The following BRCA1 variants were observed in gnomAD, a reference collection of about 807,000 sequenced individuals.
The protein encoded by BRCA1 is BRCA1 DNA repair associated, also known as breast cancer type 1 susceptibility protein.
A neutral mutation model predicts 173.7 loss-of-function variants in BRCA1; 140 were observed. The observed-to-expected ratio is 0.81, with a 90% CI of 0.70 to 0.93. The LOEUF (loss-of-function observed/expected upper bound fraction) is 0.93, where lower values mean the gene tolerates loss of function less well. BRCA1 is among the 40% of genes least tolerant of loss of function. BRCA1 has a pLI of 0.00. For missense variants in BRCA1, 1,983 were observed against 2,172.5 expected (o/e 0.91, Z 1.73); for synonymous variants, 662 against 756.0 (o/e 0.88, Z 2.04).
At chr17:43,159,757 G>A (rs926628818) in intron 1 of BRCA1, 1 of 164,532 alleles carries the variant, frequency 6.1e-6, no homozygotes, top group African/African-American at 2.4e-5. Flanking sequence ...TTGTTCACTT[G>A]TTTATCTGCT....
intron 6 of BRCA1, among the ~76,000 whole-genome samples, chr17:43,100,561 T>TATATATATATAACATATATATAAC (rs1567806975): frequency 2.6e-5 from 1 of 39,194 alleles, no homozygotes; most frequent in East Asian, 5.1e-4. Flanking sequence ...TGTGTGTGTA[T>TATATATATATAACATATATATAAC]ATATATATAT....
At chr17:43,091,324 A>G (rs1357937223) in intron 10 of BRCA1, 111 bp downstream of exon 10, 2 of 1,359,382 alleles carry the variant, frequency 1.5e-6, no homozygotes, top group South Asian at 2.4e-5. Context: ...TTTAAGAAGC[A>G]GTTCCTTTAA....
At chr17:43,104,083 AAAGAAGAAG>A (rs147856441) in intron 6 of BRCA1, 30 bp downstream of exon 6, 3 of 1,124,682 alleles carry the variant, frequency 2.7e-6, no homozygotes, top group Non-Finnish European at 3.3e-6. Flanking sequence ...AAAAAAAAGA[AAAGAAGAAG>A]AAGAAGAAGA....
At position 43,135,331 on chromosome 17, in the gene BRCA1, G is replaced by A. The variant is rs538129557; in HGVS notation, c.-19-11216C>T. On this transcript the variant is annotated intron_variant, in intron 1 of 7. Transcript: ENST00000634433. ...AGCGTTCAAGCCCAAGCACAGGCCT[G>A]CAAGAACTTTCTTCCAACTGCCGTT... Among the ~76,000 whole-genome samples, 305 of 152,366 alleles carry A rather than the reference G, an allele frequency of 2.0e-3. 3 individuals are homozygous for A. Among genetic ancestry groups the A allele is most frequent in the Middle Eastern group, 0.01 (3 of 294 alleles).
At chr17:43,055,455 C>T (rs1216965405) in intron 19 of BRCA1, among the ~76,000 whole-genome samples, 1 of 152,134 alleles carries the variant, frequency 6.6e-6, no homozygotes, top group Non-Finnish European at 1.5e-5. Flanking sequence ...CAAGGCCAGC[C>T]TGGCCAACAT....
rs1000030763 is a variant in BRCA1, at chr17:43,154,541, AAATAAT to A, written c.-20+15579_-20+15584del. 3.9e-4 allele frequency among the ~76,000 whole-genome samples: 60 copies of A among 152,082 alleles called. 1 individual carries two copies. The highest frequency in any genetic ancestry group is 3.4e-3 in the Middle Eastern group (1 of 294). On this transcript the variant is annotated intron_variant, in intron 1 of 7. Transcript: ENST00000634433. ...GGTGACAGAGCTAGACTCTGTCTCA[AAATAAT>A]AATAATAATAAGCTTAAAAAATAAA...
chr17:43,154,685 TA>T (rs1305952416), intron 1 of BRCA1, among the ~76,000 whole-genome samples: 10 of 75,514 alleles, frequency 1.3e-4, no homozygotes, highest in South Asian at 7.7e-4. Context: ...GTTTATTAAG[TA>T]TCTACTACTA....
rs567951277 is a variant in BRCA1 at position 43,107,537 on chromosome 17, T to C, written c.135-1004A>G. Among the ~76,000 whole-genome samples, 76 of 152,034 alleles carry C rather than the reference T, an allele frequency of 5.0e-4. 1 individual carries two copies. The highest frequency in any genetic ancestry group is 1.6e-3 in the African/African-American group (68 of 41,468). ...CTGGGATTACAGACATGCACCACCA[T>C]ACCCAGCTAATTTTTTGTATTTTTA... On this transcript the variant is annotated intron_variant, in intron 3 of 22. Coordinates refer to ENST00000357654, the MANE Select transcript of BRCA1 (RefSeq NM_007294.4).
At chr17:43,106,139 A>C (rs1195403041) in intron 4 of BRCA1, among the ~76,000 whole-genome samples, 1 of 151,828 alleles carries the variant, frequency 6.6e-6, no homozygotes, top group Non-Finnish European at 1.5e-5. Context: ...AAAAAAAGAA[A>C]AGGAAACACA....
At chr17:43,141,618 T>C (rs954842572) in intron 1 of BRCA1, among the ~76,000 whole-genome samples, 2 of 151,670 alleles carry the variant, frequency 1.3e-5, no homozygotes, top group Non-Finnish European at 2.9e-5. Context: ...ATCGAGACCA[T>C]CTTGGTTAAC....
intron 15 of BRCA1, among the ~76,000 whole-genome samples, chr17:43,070,318 T>C (rs1215572328): frequency 1.3e-5 from 2 of 152,208 alleles, no homozygotes; most frequent in South Asian, 2.1e-4. Flanking sequence ...AATCCACAAA[T>C]AGCCCAAGCA....
rs752284897 is a variant in BRCA1, at chr17:43,103,776, C to A, written c.441+346G>T. Among the ~76,000 whole-genome samples, 125 of 152,146 alleles carry A rather than the reference C, an allele frequency of 8.2e-4. No individual in the cohort carries two copies. Among genetic ancestry groups the A allele is most frequent in the Non-Finnish European group, 1.4e-3 (94 of 67,984 alleles). On this transcript the variant is annotated intron_variant, in intron 6 of 22. Transcript: ENST00000357654. ...TCTAGCACATTCACTAACATATTCACAATGCTCAATAAAGAGATGTTGCCA... is the reference window on the plus strand; with the variant it reads ...TCTAGCACATTCACTAACATATTCAAAATGCTCAATAAAGAGATGTTGCCA...
chr17:43,103,994 C>G (rs1165691508), intron 6 of BRCA1, 128 bp downstream of exon 6: 2 of 1,212,658 alleles, frequency 1.6e-6, no homozygotes, highest in East Asian at 4.7e-5. Flanking sequence ...GTAATCCCAG[C>G]TACTAAGGGG....
upstream of BRCA1, among the ~76,000 whole-genome samples, chr17:43,129,460 G>A (rs2055946372): frequency 1.3e-5 from 2 of 152,124 alleles, no homozygotes; most frequent in African/African-American, 4.8e-5. Flanking sequence ...GAGTAGGGAA[G>A]TGTGTTTCTT....
intron 1 of BRCA1, among the ~76,000 whole-genome samples, chr17:43,154,843 G>A (rs1434207378): frequency 1.3e-5 from 2 of 151,928 alleles, no homozygotes; most frequent in Non-Finnish European, 2.9e-5. Context: ...CAGGGTAAGG[G>A]GAAACAGGTA....
chr17:43,098,462 G>A (rs1179959322), intron 7 of BRCA1, among the ~76,000 whole-genome samples: 1 of 151,730 alleles, frequency 6.6e-6, no homozygotes, highest in African/African-American at 2.4e-5. Context: ...TGGTTCAAGC[G>A]ATTCTCCTGC....
intron 1 of BRCA1, chr17:43,131,249 C>T (rs1316903272): frequency 5.4e-6 from 2 of 367,544 alleles, no homozygotes; most frequent in Non-Finnish European, 1.2e-5. Flanking sequence ...AAATAAAATA[C>T]CTGGATGAGG....
chr17:43,144,293 C>A, intron 1 of BRCA1: 1 of 284,272 alleles, frequency 3.5e-6, no homozygotes, highest in Non-Finnish European at 7.0e-6. Context: ...TCTGAATGAA[C>A]ATTCATGCAT....
In BRCA1 at chr17:43,057,077, C is replaced by T. The variant is rs80357442; in HGVS notation, c.5252G>A (p.Arg1751Gln). ...CTTTCTGTCCTGGGATTCTCTTGCT[C>T]GCTTTGGACCTTGGTGGTTTCTTCC... Reference protein sequence around the residue: ...VNGRNHQGPKRARESQDRKIF... With the variant: ...VNGRNHQGPKQARESQDRKIF... Residue 1751 changes from arginine (R) to glutamine (Q), a missense_variant, in exon 19 of 23, where the codon CGA becomes CAA. Arg to Gln is a conservative substitution (Grantham distance 43). Coordinates refer to ENST00000357654, the MANE Select transcript of BRCA1 (RefSeq NM_007294.4). 4.8e-5 allele frequency: 78 copies of T among 1,613,922 alleles called. No homozygotes were observed. The highest frequency in any genetic ancestry group is 6.1e-5 in the Non-Finnish European group (72 of 1,179,972).
Sources: allele counts gnomAD v4.1 joint callset (sites outside exome capture counted in the v4.1 genomes callset), GRCh38; gene constraint gnomAD v4.1.1; transcripts MANE v1.5; gene names NCBI Gene and HGNC (gene_info 2026-07-23, HGNC 2026-07-21).